Variants in TAF15 observed in about 807,000 individuals in gnomAD.
TAF15 encodes the protein TATA-box binding protein associated factor 15.
TAF15 carries 37 observed loss-of-function variants against 102.5 expected under a neutral mutation model. The observed-to-expected ratio is 0.36, with a 90% confidence interval of 0.28 to 0.47. TAF15 has a LOEUF of 0.47. Among genes scored for constraint, TAF15 ranks in the 20% least tolerant of loss-of-function variants. The pLI, the probability that TAF15 is intolerant of heterozygous loss-of-function variation, is 0.99. For missense variants in TAF15, 652 were observed against 760.7 expected (o/e 0.86, Z 1.68); for synonymous variants, 273 against 259.2 (o/e 1.05, Z -0.51).
At chr17:35,835,577 A>G (rs577393546) in intron 9 of TAF15, among the ~76,000 whole-genome samples, 1 of 152,338 alleles carries the variant, frequency 6.6e-6, no homozygotes, top group East Asian at 1.9e-4. Context: ...ATTCTTATAC[A>G]TCTTTCTTTC....
chr17:35,810,281 C>T (rs926243647), intron 1 of TAF15: 2 of 154,650 alleles, frequency 1.3e-5, no homozygotes, highest in African/African-American at 2.4e-5. Flanking sequence ...TATTGATAAG[C>T]TCCTGTAGGT....
chr17:35,841,735 T>C (rs990632716), intron 11 of TAF15, among the ~76,000 whole-genome samples: 1 of 150,498 alleles, frequency 6.6e-6, no homozygotes, highest in African/African-American at 2.5e-5. Flanking sequence ...TATCACACTG[T>C]CTTCCAGGCT....
chr17:35,839,370 C>CTT (rs562461506), intron 11 of TAF15, among the ~76,000 whole-genome samples: 752 of 52,398 alleles, frequency 0.014, 267 homozygotes, highest in East Asian at 0.018. Context: ...AAGAAATAGA[C>CTT]TTTTTTTTTT....
chr17:35,833,515 G>T, intron 7 of TAF15: 1 of 164,770 alleles, frequency 6.1e-6, no homozygotes, highest in Non-Finnish European at 1.3e-5. Flanking sequence ...ACCTTGCTTT[G>T]TATTCTTCTA....
At chr17:35,827,335 CAAAAA>C (rs745381454) in intron 7 of TAF15, among the ~76,000 whole-genome samples, 1 of 67,116 alleles carries the variant, frequency 1.5e-5, no homozygotes. Flanking sequence ...GACTCCGTCG[CAAAAA>C]AAAAAAAAAA....
intron 1 of TAF15, among the ~76,000 whole-genome samples, chr17:35,814,863 AG>A (rs2087175911): frequency 1.3e-5 from 2 of 150,866 alleles, no homozygotes; most frequent in Admixed American, 1.3e-4. Flanking sequence ...AAAAAAAAAA[AG>A]TGTGTGTGTA....
intron 2 of TAF15, among the ~76,000 whole-genome samples, chr17:35,818,187 G>T (rs1314086011): frequency 6.6e-6 from 1 of 151,814 alleles, no homozygotes; most frequent in Non-Finnish European, 1.5e-5. Context: ...GCTCCGCCTC[G>T]CAGGTTCACG....
rs998311653 is a variant in TAF15 at position 35,842,140 on chromosome 17, T to G, written c.914-227T>G. Among the ~76,000 whole-genome samples the G allele has an allele frequency of 1.5e-4, 23 of 151,364 alleles. 1 individual carries two copies. Among genetic ancestry groups the G allele is most frequent in the African/African-American group, 5.6e-4 (23 of 41,198 alleles). ...ACTCCACCTTGTTTTTTGTTTTTGT[T>G]TTTTTTTTAAGCTTAGTAAGAAGTG... On this transcript the variant is annotated intron_variant, in intron 11 of 15. Transcript: ENST00000605844.
chr17:35,844,424 G>A, intron 14 of TAF15, 53 bp from the exon 15 acceptor site: 1 of 1,613,064 alleles, frequency 6.2e-7, no homozygotes, highest in Non-Finnish European at 8.5e-7. Context: ...CTAGCATTAA[G>A]GGGGCTTTAC....
intron 10 of TAF15, 23 bp from the exon 11 acceptor site, chr17:35,838,401 C>T (rs933563791): frequency 2.5e-6 from 4 of 1,613,648 alleles, no homozygotes; most frequent in Non-Finnish European, 3.4e-6. Flanking sequence ...ATGCTAACAC[C>T]AAGTGTTTCT....
At chr17:35,822,033 C>T (rs1022815999) in intron 5 of TAF15, among the ~76,000 whole-genome samples, 3 of 145,998 alleles carry the variant, frequency 2.1e-5, no homozygotes, top group East Asian at 3.9e-4. Context: ...GCATCTTTTA[C>T]TTTTTTTTTT....
In TAF15 at chr17:35,844,095, G is replaced by T. The variant is rs746353802; in HGVS notation, c.1025G>T (p.Gly342Val). ...CCCCTAGGCCGTGGAGGATATAGAGGTCGTGGAGGCTTTCAAGGGAGAGGT... is the reference window on the plus strand; with the variant it reads ...CCCCTAGGCCGTGGAGGATATAGAGTTCGTGGAGGCTTTCAAGGGAGAGGT... ...GGRRGRGGYR[G>V]RGGFQGRGGD... Residue 342 changes from glycine to valine, a missense_variant, in exon 13 of 16, where the codon GGT becomes GTT. Physicochemically the swap from Gly to Val is moderately radical, Grantham distance 109 (BLOSUM62 -3). Around this residue, in one of 3 missense-constraint regions of TAF15, gnomAD observed 368 missense variants for 367.5 expected, o/e 1.00. Coordinates refer to ENST00000605844, the MANE Select transcript of TAF15 (RefSeq NM_139215.3). 8.7e-6 allele frequency: 14 copies of T among 1,614,062 alleles called. No homozygotes were observed. Among genetic ancestry groups the T allele is most frequent in the Non-Finnish European group, 1.2e-5 (14 of 1,180,032 alleles).
chr17:35,823,706 C>CAAAA (rs57004932), intron 6 of TAF15: 181 of 161,308 alleles, frequency 1.1e-3, no homozygotes, highest in Non-Finnish European at 1.6e-3. Flanking sequence ...CTCTTGTCTC[C>CAAAA]AAAAAAAAAA....
chr17:35,809,878 C>G (rs2087104843), intron 1 of TAF15: 1 of 570,704 alleles, frequency 1.8e-6, no homozygotes, highest in Non-Finnish European at 3.1e-6. Context: ...CGGAGGCCGT[C>G]TACGCCATCG....
At chr17:35,835,532 G>T (rs1020723198) in intron 9 of TAF15, among the ~76,000 whole-genome samples, 3 of 152,232 alleles carry the variant, frequency 2.0e-5, no homozygotes, top group Non-Finnish European at 4.4e-5. Flanking sequence ...ATTCTATGTG[G>T]ATGGCAATTT....
chr17:35,842,528 C>T (rs1192629444), intron 12 of TAF15, 69 bp downstream of exon 12: 6 of 1,265,332 alleles, frequency 4.7e-6, no homozygotes, highest in Admixed American at 1.8e-5. Flanking sequence ...TACTCTGTTT[C>T]TATTTGTGTG....
At chr17:35,812,061 A>T (rs2087130487) in intron 1 of TAF15, among the ~76,000 whole-genome samples, 1 of 152,152 alleles carries the variant, frequency 6.6e-6, no homozygotes. Flanking sequence ...GGGACCAGAG[A>T]TAAAACGTAC....
intron 7 of TAF15, among the ~76,000 whole-genome samples, chr17:35,829,032 T>G (rs1450584023): frequency 1.3e-5 from 2 of 152,076 alleles, no homozygotes; most frequent in Non-Finnish European, 2.9e-5. Context: ...TAGGAGGAAA[T>G]AAAATGTAAA....
At chr17:35,816,968 T>A (rs1037458587) in intron 1 of TAF15, 2 of 152,074 alleles carry the variant, frequency 1.3e-5, no homozygotes, top group African/African-American at 4.8e-5. Context: ...TACAGGCACA[T>A]GCCACCATGC....
Sources: allele counts gnomAD v4.1 joint callset (sites outside exome capture counted in the v4.1 genomes callset), GRCh38; gene constraint gnomAD v4.1.1; regional missense constraint gnomAD v4.1.1; transcripts MANE v1.5; gene names NCBI Gene and HGNC (gene_info 2026-07-23, HGNC 2026-07-21).